Variants in SH2D1A observed in about 807,000 individuals in gnomAD.
The protein encoded by SH2D1A is SH2 domain-containing protein 1A.
In SH2D1A, 6 loss-of-function variants were observed where a neutral mutation model predicts 10.1. The ratio of observed to expected loss-of-function variants is 0.60; its 90% CI spans 0.33 to 1.18. SH2D1A has a LOEUF of 1.18. Ranked by LOEUF, SH2D1A falls within the 50% of genes most tolerant of loss-of-function variation. SH2D1A has a pLI of 0.04. For missense variants in SH2D1A, 51 were observed against 97.6 expected (o/e 0.52, Z 2.01); for synonymous variants, 42 against 36.9 (o/e 1.14, Z -0.51).
rs1315064978 is a variant in SH2D1A, at chrX:124,350,249, TATATAA to T, written c.137+3471_137+3476del. Among the ~76,000 whole-genome samples the T allele has an allele frequency of 3.9e-4, 4 of 10,217 alleles. 1 individual carries two copies. In the African/African-American group the frequency reaches 0.01, roughly 26 times the overall value. The allele number at this position is 10,217 out of a possible 115,157, so 8.9% of individuals were successfully genotyped here. On this transcript the variant is annotated intron_variant, in intron 1 of 3. Coordinates refer to ENST00000371139, the MANE Select transcript of SH2D1A (RefSeq NM_002351.5). ...ATATATATTATATAATATTATATAA[TATATAA>T]TATATAAATATATATTATATATAAT...
intron 1 of SH2D1A, among the ~76,000 whole-genome samples, chrX:124,352,257 T>G (rs1468587941): frequency 9.0e-6 from 1 of 111,548 alleles, no homozygotes; most frequent in East Asian, 2.8e-4. Context: ...ACAACTTCCA[T>G]TCTTCATTGA....
chrX:124,361,554 G>T lies in SH2D1A; in HGVS notation c.138-4207G>T, dbSNP rs1390671234. The stretch of plus-strand genomic sequence containing the variant: ...GTTTTAAGGTGTATGCTAGAAAAAA[G>T]CATAGACGGCTGTGAACAGAATGTT... On this transcript the variant is annotated intron_variant, in intron 1 of 3. Coordinates refer to ENST00000371139, the MANE Select transcript of SH2D1A (RefSeq NM_002351.5). 2.7e-5 allele frequency among the ~76,000 whole-genome samples: 3 copies of T among 111,744 alleles called. No individual in the cohort carries two copies. In the East Asian group the frequency reaches 8.4e-4, roughly 31 times the overall value.
At chrX:124,347,584 A>G (rs2059996980) in intron 1 of SH2D1A, among the ~76,000 whole-genome samples, 1 of 111,337 alleles carries the variant, frequency 9.0e-6, no homozygotes, top group South Asian at 3.8e-4. Context: ...TGTGCTCGTC[A>G]GATGTTAGGT....
At chrX:124,368,862 C>A (rs2060062455) in intron 2 of SH2D1A, among the ~76,000 whole-genome samples, 1 of 111,752 alleles carries the variant, frequency 8.9e-6, no homozygotes, top group Non-Finnish European at 1.9e-5. Flanking sequence ...TATCTTGGAA[C>A]CAACGAACTG....
Position 124,350,242 on chromosome X carries a change from TATATA to T in SH2D1A, c.137+3469_137+3473del, listed in dbSNP as rs1228989760. Reference sequence around the variant, plus strand: ...TATATAAATATATATTATATAATATTATATAATATATAATATATAAATATATATTA... The same window carrying T: ...TATATAAATATATATTATATAATATTATATATAATATATAAATATATATTA... On this transcript the variant is annotated intron_variant, in intron 1 of 3. Transcript: ENST00000371139. Among the ~76,000 whole-genome samples, 18 of 9,887 alleles carry T rather than the reference TATATA, an allele frequency of 1.8e-3. 1 individual carries two copies. In the African/African-American group the frequency reaches 0.037, roughly 20 times the overall value. 8.6% of individuals were successfully genotyped at this position (9,887 alleles called of 115,157 possible).
intron 1 of SH2D1A, among the ~76,000 whole-genome samples, chrX:124,350,564 T>C (rs1171517009): frequency 3.7e-5 from 2 of 54,672 alleles, no homozygotes; most frequent in South Asian, 1.5e-3. Flanking sequence ...ATATATAGTA[T>C]ATTATATACT....
rs1314465394 is a variant in SH2D1A at position 124,372,526 on chromosome X, A to G, written c.*1135A>G. ...AAATAACGATAAAAGACAGTGAAAGAAAATAACAATAAAAGACAAGGAAAA... is the reference window on the plus strand; with the variant it reads ...AAATAACGATAAAAGACAGTGAAAGGAAATAACAATAAAAGACAAGGAAAA... On this transcript the variant is annotated 3_prime_UTR_variant, in exon 4 of 4. Transcript: ENST00000371139. The G allele has an allele frequency of 5.8e-6, 1 of 171,346 alleles. No individual in the cohort carries two copies. The allele number at this position is 171,346 out of a possible 1,213,427, so 14.1% of individuals were successfully genotyped here.
chrX:124,358,573 T>G, intron 1 of SH2D1A, among the ~76,000 whole-genome samples: 1 of 112,279 alleles, frequency 8.9e-6, no homozygotes, highest in Non-Finnish European at 1.9e-5. Context: ...TCAGAAACAC[T>G]GTCCTGTGAA....
chrX:124,362,216 G>A (rs890781636), intron 1 of SH2D1A, among the ~76,000 whole-genome samples: 1 of 112,075 alleles, frequency 8.9e-6, no homozygotes, highest in Non-Finnish European at 1.9e-5. Context: ...AGGCCTGGAG[G>A]GTAAGGCTGC....
At chrX:124,364,506 G>C in intron 1 of SH2D1A, 1 of 180,604 alleles carries the variant, frequency 5.5e-6, no homozygotes. Flanking sequence ...TTATTGAAGC[G>C]ATACAGTTTT....
chrX:124,352,514 G>C (rs755437162), intron 1 of SH2D1A, among the ~76,000 whole-genome samples: 1 of 111,875 alleles, frequency 8.9e-6, no homozygotes, highest in South Asian at 3.7e-4. Flanking sequence ...ACATGCCAGT[G>C]AGAACACATG....
intron 1 of SH2D1A, among the ~76,000 whole-genome samples, chrX:124,358,189 A>T (rs943503668): frequency 2.7e-5 from 3 of 111,567 alleles, no homozygotes; most frequent in Non-Finnish European, 3.8e-5. Flanking sequence ...GGTTATACCC[A>T]AAAACAATTC....
chrX:124,353,836 G>T (rs2060020755), intron 1 of SH2D1A, among the ~76,000 whole-genome samples: 1 of 111,664 alleles, frequency 9.0e-6, no homozygotes, highest in African/African-American at 3.3e-5. Flanking sequence ...TTAGATAAAT[G>T]CATAATTATC....
chrX:124,349,512 T>A (rs1207066473), intron 1 of SH2D1A, among the ~76,000 whole-genome samples: 1 of 111,823 alleles, frequency 8.9e-6, no homozygotes, highest in Non-Finnish European at 1.9e-5. Flanking sequence ...CTGACAAACA[T>A]GCATTGATTG....
chrX:124,351,495 T>A (rs765279967), intron 1 of SH2D1A, among the ~76,000 whole-genome samples: 5 of 110,884 alleles, frequency 4.5e-5, no homozygotes, highest in Non-Finnish European at 9.5e-5. Flanking sequence ...CATGAGATAT[T>A]TTCCCTAAAT....
In SH2D1A at chrX:124,372,959, T is replaced by A. The variant is rs1371896385; in HGVS notation, c.*1568T>A. ...ATAATAAGTTGCATAGGTTTAATAA[T>A]TTTTAATTATATGGCTTGAGTTTAA... is the stretch of plus-strand genomic sequence containing the variant. On this transcript the variant is annotated 3_prime_UTR_variant, in exon 4 of 4. Coordinates refer to ENST00000371139, the MANE Select transcript of SH2D1A (RefSeq NM_002351.5). The A allele has an allele frequency of 6.4e-6, 1 of 155,492 alleles. No individual in the cohort carries two copies. Among genetic ancestry groups the A allele is most frequent in the Non-Finnish European group, 1.3e-5 (1 of 79,890 alleles). The allele number at this position is 155,492 out of a possible 1,213,427, so 12.8% of individuals were successfully genotyped here.
chrX:124,370,402 G>A (rs184308071), intron 3 of SH2D1A, 82 bp downstream of exon 3: 3 of 835,703 alleles, frequency 3.6e-6, no homozygotes, highest in African/African-American at 2.0e-5. Flanking sequence ...TAATCAATTA[G>A]AAGTTATGTA....
At chrX:124,365,515 C>G (rs1018456122) in intron 1 of SH2D1A, among the ~76,000 whole-genome samples, 34 of 110,570 alleles carry the variant, frequency 3.1e-4, no homozygotes, top group Non-Finnish European at 7.6e-5. Context: ...CTTGACAAAT[C>G]TTTAGGAGCA....
intron 2 of SH2D1A, among the ~76,000 whole-genome samples, chrX:124,366,050 T>C (rs765744982): frequency 1.8e-5 from 2 of 110,918 alleles, no homozygotes; most frequent in Admixed American, 9.7e-5. Flanking sequence ...GGGAGAAAGA[T>C]AAAAAAGTTG....
Sources: gnomAD v4.1 joint callset for allele counts (sites outside exome capture counted in the v4.1 genomes callset) on GRCh38, gnomAD v4.1.1 for gene constraint, MANE v1.5 for transcripts, NCBI Gene and HGNC (gene_info 2026-07-23, HGNC 2026-07-21) for gene names.